The following RFX3 variants were observed in gnomAD, a reference collection of about 807,000 sequenced individuals.
The protein encoded by RFX3 is transcription factor RFX3.
A neutral mutation model predicts 98.6 loss-of-function variants in RFX3; 14 were observed. The observed-to-expected ratio is 0.14, with a 90% CI of 0.09 to 0.22. The LOEUF is 0.22. RFX3 is among the 10% of genes least tolerant of loss of function. The pLI, the probability that RFX3 is intolerant of heterozygous loss-of-function variation, is 1.00. For missense variants in RFX3, 639 were observed against 926.9 expected (o/e 0.69, Z 4.03); for synonymous variants, 383 against 328.4 (o/e 1.17, Z -1.80).
At chr9:3,447,948 CAACTT>C (rs1408381288) in intron 1 of RFX3, among the ~76,000 whole-genome samples, 3 of 152,104 alleles carry the variant, frequency 2.0e-5, no homozygotes, top group Non-Finnish European at 4.4e-5. Flanking sequence ...GTCTCACAGA[CAACTT>C]AACAGAGCTC....
In RFX3 at chr9:3,221,075, G is replaced by T. The variant is rs989177534; in HGVS notation, c.*3967C>A. 1.3e-5 allele frequency: 2 copies of T among 152,016 alleles called. No individual in the cohort carries two copies. The highest frequency in any genetic ancestry group is 4.8e-5 in the African/African-American group (2 of 41,394). The allele number at this position is 152,016 out of a possible 1,614,324, so 9.4% of individuals were successfully genotyped here. A position where few individuals can be genotyped will look rare whatever the true frequency, so the allele number is the denominator to read the frequency against. On this transcript the variant is annotated 3_prime_UTR_variant, in exon 17 of 17. Transcript: ENST00000617270. ...TGTGTGTCTGGGGGATATAATAAAGGTCAATTTATTGTATATAACCACTGC... is the reference window on the plus strand; with the variant it reads ...TGTGTGTCTGGGGGATATAATAAAGTTCAATTTATTGTATATAACCACTGC...
intron 1 of RFX3, among the ~76,000 whole-genome samples, chr9:3,447,106 T>TA (rs1465928614): frequency 1.3e-5 from 2 of 151,934 alleles, no homozygotes; most frequent in Admixed American, 6.6e-5. Context: ...ACATGTAGGT[T>TA]AAAAAAAATT....
chr9:3,442,930 G>T (rs998584420), intron 1 of RFX3, among the ~76,000 whole-genome samples: 1 of 152,046 alleles, frequency 6.6e-6, no homozygotes, highest in Admixed American at 6.6e-5. Flanking sequence ...GAAAGACACT[G>T]TACAGGAATG....
chr9:3,504,374 T>C (rs1816467698), intron 1 of RFX3, among the ~76,000 whole-genome samples: 1 of 136,220 alleles, frequency 7.3e-6, no homozygotes, highest in Admixed American at 8.0e-5. Flanking sequence ...AAAATATATA[T>C]TATATACCAC....
At chr9:3,232,681 A>G (rs750645076) in intron 15 of RFX3, among the ~76,000 whole-genome samples, 10 of 152,212 alleles carry the variant, frequency 6.6e-5, no homozygotes, top group Admixed American at 2.0e-4. Context: ...TCTTACAGCT[A>G]TTGAAAACAA....
At chr9:3,339,073 A>G (rs2131022715) in intron 3 of RFX3, among the ~76,000 whole-genome samples, 1 of 152,268 alleles carries the variant, frequency 6.6e-6, no homozygotes, top group Non-Finnish European at 1.5e-5. Flanking sequence ...TGGGCGACAG[A>G]GCAAGACTCC....
intron 1 of RFX3, among the ~76,000 whole-genome samples, chr9:3,495,062 C>A (rs1851006583): frequency 6.6e-6 from 1 of 151,720 alleles, no homozygotes; most frequent in Non-Finnish European, 1.5e-5. Context: ...AAAAGAAAGT[C>A]CACACTATTT....
At chr9:3,445,086 G>A (rs1845927160) in intron 1 of RFX3, among the ~76,000 whole-genome samples, 1 of 152,102 alleles carries the variant, frequency 6.6e-6, no homozygotes, top group African/African-American at 2.4e-5. Context: ...CATTTTGAAT[G>A]GTTTAAAGTA....
At chr9:3,397,330 T>C (rs1003519702) in intron 1 of RFX3, among the ~76,000 whole-genome samples, 2 of 152,256 alleles carry the variant, frequency 1.3e-5, no homozygotes. Context: ...GTTTAATTGG[T>C]AGCATAAGAA....
Position 3,220,567 on chromosome 9 carries a change from C to T in RFX3, c.*4475G>A, listed in dbSNP as rs908823159. 3.3e-5 allele frequency: 5 copies of T among 151,638 alleles called. No homozygotes were observed. Among genetic ancestry groups the T allele is most frequent in the African/African-American group, 1.2e-4 (5 of 41,262 alleles). The allele number at this position is 151,638 out of a possible 1,614,324, so 9.4% of individuals were successfully genotyped here. On this transcript the variant is annotated 3_prime_UTR_variant, in exon 17 of 17. Transcript: ENST00000617270. ...ATATTTGGGAATAAATATATCAAGC[C>T]CTCTTGAAGAAAAATTAAGAGTTGT...
chr9:3,483,047 G>A (rs1587825637), intron 1 of RFX3, among the ~76,000 whole-genome samples: 1 of 152,106 alleles, frequency 6.6e-6, no homozygotes, highest in East Asian at 1.9e-4. Context: ...AGATCTCTCA[G>A]CTGTTTATTT....
intron 1 of RFX3, among the ~76,000 whole-genome samples, chr9:3,433,910 T>C (rs560932657): frequency 2.2e-4 from 33 of 152,280 alleles, no homozygotes; most frequent in Admixed American, 1.9e-3. Context: ...CAAATGGGCA[T>C]GGCTGTCCCA....
chr9:3,420,310 A>C (rs1243861436), intron 1 of RFX3, among the ~76,000 whole-genome samples: 1 of 152,186 alleles, frequency 6.6e-6, no homozygotes, highest in Non-Finnish European at 1.5e-5. Context: ...ATGCCCCTAC[A>C]CAGAGGACAG....
chr9:3,312,558 C>A (rs1830080699), intron 4 of RFX3, among the ~76,000 whole-genome samples: 3 of 150,420 alleles, frequency 2.0e-5, no homozygotes, highest in Admixed American at 2.0e-4. Flanking sequence ...ATAAACTGTT[C>A]TTTTAATCCT....
At chr9:3,300,052 G>A (rs1828458138) in intron 5 of RFX3, among the ~76,000 whole-genome samples, 1 of 150,430 alleles carries the variant, frequency 6.6e-6, no homozygotes, top group Non-Finnish European at 1.5e-5. Flanking sequence ...CTAAAAGGAA[G>A]AACAATTTCA....
intron 1 of RFX3, among the ~76,000 whole-genome samples, chr9:3,504,212 T>C (rs1462732556): frequency 2.4e-5 from 3 of 124,802 alleles, no homozygotes; most frequent in Non-Finnish European, 4.6e-5. Context: ...TTATATATAT[T>C]ATATACTATA....
At chr9:3,504,845 T>C (rs1028653289) in intron 1 of RFX3, among the ~76,000 whole-genome samples, 3 of 33,754 alleles carry the variant, frequency 8.9e-5, no homozygotes, top group Admixed American at 4.0e-4. Flanking sequence ...ATAAAATATA[T>C]ATATTATATA....
chr9:3,320,282 G>A (rs901009465), intron 4 of RFX3, among the ~76,000 whole-genome samples: 8 of 152,048 alleles, frequency 5.3e-5, no homozygotes, highest in African/African-American at 1.9e-4. Flanking sequence ...GCTGGGCGTG[G>A]TGGCTCACGC....
At chr9:3,502,087 T>C (rs1278797840) in intron 1 of RFX3, among the ~76,000 whole-genome samples, 1 of 138,992 alleles carries the variant, frequency 7.2e-6, no homozygotes, top group Admixed American at 7.2e-5. Flanking sequence ...CCGTCTCCAC[T>C]AAAAAAAAAA....
Sources: gnomAD v4.1 joint callset for allele counts (sites outside exome capture counted in the v4.1 genomes callset) on GRCh38, gnomAD v4.1.1 for gene constraint, MANE v1.5 for transcripts, NCBI Gene and HGNC (gene_info 2026-07-23, HGNC 2026-07-21) for gene names.